Variants in ITSN1 observed in about 807,000 individuals in gnomAD.
The protein encoded by ITSN1 is intersectin-1.
Under a neutral mutation model 239.8 loss-of-function variants are expected in ITSN1, and 58 were observed. The observed-to-expected ratio is 0.24, with a 90% CI of 0.20 to 0.30. The LOEUF (loss-of-function observed/expected upper bound fraction) is 0.30, where lower values mean the gene tolerates loss of function less well. ITSN1 is among the 10% of genes least tolerant of loss of function. ITSN1 has a pLI of 1.00. For synonymous variants in ITSN1, 780 were observed against 770.8 expected, an observed-to-expected ratio of 1.01 and a Z score of -0.20; for missense variants, 1,558 against 2,103.3, an observed-to-expected ratio of 0.74 and a Z score of 5.07.
intron 29 of ITSN1, among the ~76,000 whole-genome samples, chr21:33,844,848 G>A (rs191912013): frequency 3.1e-3 from 476 of 152,212 alleles, no homozygotes; most frequent in African/African-American, 0.011. Context: ...CACTGACTTG[G>A]TATCCAGTGG....
intron 3 of ITSN1, 79 bp from the exon 4 acceptor site, chr21:33,722,509 G>A (rs76884806): frequency 6.9e-7 from 1 of 1,457,450 alleles, no homozygotes; most frequent in Non-Finnish European, 9.0e-7. Flanking sequence ...TGTAAATTTT[G>A]TAATTTTGCT....
At chr21:33,857,633 G>A (rs1033490005) in intron 30 of ITSN1, among the ~76,000 whole-genome samples, 2 of 152,188 alleles carry the variant, frequency 1.3e-5, no homozygotes, top group Non-Finnish European at 2.9e-5. Flanking sequence ...AGCAGGGCTC[G>A]CCGCTGTTGG....
intron 17 of ITSN1, among the ~76,000 whole-genome samples, chr21:33,796,456 C>CA (rs1470355946): frequency 6.6e-6 from 1 of 152,054 alleles, no homozygotes; most frequent in Non-Finnish European, 1.5e-5. Context: ...AATTTTTTGA[C>CA]AATGGAGAAT....
intron 39 of ITSN1, among the ~76,000 whole-genome samples, chr21:33,887,782 A>AT (rs34434110): frequency 3.3e-5 from 5 of 151,694 alleles, no homozygotes; most frequent in Non-Finnish European, 7.4e-5. Flanking sequence ...ATTTTTAAAA[A>AT]TTTTTTGTAG....
At chr21:33,816,407 C>T (rs543418619) in intron 22 of ITSN1, among the ~76,000 whole-genome samples, 8 of 152,202 alleles carry the variant, frequency 5.3e-5, no homozygotes, top group Non-Finnish European at 1.0e-4. Flanking sequence ...TCTTGCATTA[C>T]CATGGGATTG....
intron 1 of ITSN1, among the ~76,000 whole-genome samples, chr21:33,669,778 T>C (rs530066285): frequency 3.8e-4 from 58 of 151,636 alleles, no homozygotes; most frequent in African/African-American, 1.3e-3. Flanking sequence ...GTAGAAAACG[T>C]CTTAATTTTT....
Position 33,834,431 on chromosome 21 carries a change from A to C in ITSN1, c.3469+7A>C, listed in dbSNP as rs28678430. On this transcript the variant is annotated splice_region_variant and intron_variant, in intron 28 of 39. Transcript: ENST00000381318. ...TCAACAGCATTAGCGGCAGGTAAGGAGTTTCGCATCTCTAACTGGAAGATG... is the reference window on the plus strand; with the variant it reads ...TCAACAGCATTAGCGGCAGGTAAGGCGTTTCGCATCTCTAACTGGAAGATG... 1.2e-3 allele frequency: 1,970 copies of C among 1,584,332 alleles called. 17 individuals are homozygous for C. The African/African-American group carries it at 0.023, about 18-fold the overall frequency.
At position 33,790,248 on chromosome 21, in the gene ITSN1, A is replaced by AT. The variant is rs1471449803; in HGVS notation, c.1825-4087dup. On this transcript the variant is annotated intron_variant, in intron 16 of 39. Transcript: ENST00000381318. Reference sequence around the variant, plus strand: ...TTTTCATGATTCTGCATAAATTGTGATTTTTTAAAAAAAACTTATTTTAAT... The same window carrying AT: ...TTTTCATGATTCTGCATAAATTGTGATTTTTTTAAAAAAAACTTATTTTAAT... Among the ~76,000 whole-genome samples, 16 of 151,818 alleles carry AT rather than the reference A, an allele frequency of 1.1e-4. No individual in the cohort carries two copies. In the East Asian group the frequency reaches 2.1e-3, roughly 20 times the overall value.
At position 33,791,457 on chromosome 21, in the gene ITSN1, G is replaced by A. The variant is rs541576771; in HGVS notation, c.1825-2884G>A. On this transcript the variant is annotated intron_variant, in intron 16 of 39. Transcript: ENST00000381318. ...TACTGCTATACTCAAAAACAAGTGTGTTTAAAAAATTTAAGTATCTTTTTT... is the reference window on the plus strand; with the variant it reads ...TACTGCTATACTCAAAAACAAGTGTATTTAAAAAATTTAAGTATCTTTTTT... 7.9e-4 allele frequency among the ~76,000 whole-genome samples: 121 copies of A among 152,212 alleles called. 1 individual carries two copies. The highest frequency in any genetic ancestry group is 2.8e-3 in the African/African-American group (116 of 41,540).
At position 33,894,349 on chromosome 21, in the gene ITSN1, T is replaced by G. The variant is rs560695575; in HGVS notation, c.*6049T>G. The G allele has an allele frequency of 6.6e-6, 1 of 152,322 alleles. No individual in the cohort carries two copies. Among genetic ancestry groups the G allele is most frequent in the East Asian group, 1.9e-4 (1 of 5,192 alleles). 9.4% of individuals were successfully genotyped at this position (152,322 alleles called of 1,614,324 possible). On this transcript the variant is annotated 3_prime_UTR_variant, in exon 40 of 40. Coordinates refer to ENST00000381318, the MANE Select transcript of ITSN1 (RefSeq NM_003024.3). Reference sequence around the variant, plus strand: ...CCACATCATAATTTTTCTGACACTATGTGTGCTTGTCAAATTTCAGGGTCA... The same window carrying G: ...CCACATCATAATTTTTCTGACACTAGGTGTGCTTGTCAAATTTCAGGGTCA...
At position 33,790,620 on chromosome 21, in the gene ITSN1, C is replaced by T. The variant is rs979384307; in HGVS notation, c.1825-3721C>T. ...AAAATCACTTAACTTTAGGAAGAAC[C>T]GAGTGAGATACTGACTTTTGATTCG... On this transcript the variant is annotated intron_variant, in intron 16 of 39. Transcript: ENST00000381318. Among the ~76,000 whole-genome samples the T allele has an allele frequency of 9.9e-5, 15 of 152,160 alleles. No homozygotes were observed. In the East Asian group the frequency reaches 1.5e-3, roughly 16 times the overall value.
At chr21:33,800,275 CAA>C (rs2071880848) in intron 19 of ITSN1, among the ~76,000 whole-genome samples, 1 of 151,216 alleles carries the variant, frequency 6.6e-6, no homozygotes, top group South Asian at 2.1e-4. Context: ...GATGTATAGA[CAA>C]TATATATACT....
chr21:33,773,684 CT>C (rs1005258198), intron 12 of ITSN1, among the ~76,000 whole-genome samples: 261 of 143,876 alleles, frequency 1.8e-3, no homozygotes, highest in Non-Finnish European at 1.6e-3. Flanking sequence ...GCCATAACTC[CT>C]TTTTTTTTTT....
rs1321112725 is a variant in ITSN1 at position 33,890,502 on chromosome 21, C to G, written c.*2202C>G. On this transcript the variant is annotated 3_prime_UTR_variant, in exon 40 of 40. Coordinates refer to ENST00000381318, the MANE Select transcript of ITSN1 (RefSeq NM_003024.3). Reference sequence around the variant, plus strand: ...TATGTGACTCTTTTTCCTCAAGTGACTCTGTTGAGCATCCTTGAGATGCTC... The same window carrying G: ...TATGTGACTCTTTTTCCTCAAGTGAGTCTGTTGAGCATCCTTGAGATGCTC... 1 of 152,230 alleles carries G rather than the reference C, an allele frequency of 6.6e-6. No homozygotes were observed. Among genetic ancestry groups the G allele is most frequent in the Non-Finnish European group, 1.5e-5 (1 of 68,050 alleles). 9.4% of individuals were successfully genotyped at this position (152,230 alleles called of 1,614,324 possible). A position where few individuals can be genotyped will look rare whatever the true frequency, so the allele number is the denominator to read the frequency against.
In ITSN1 at chr21:33,838,267, C is replaced by T. The variant is rs576303971; in HGVS notation, c.3661+1635C>T. ...AAGACTCTGTAATGCTCACTCCCCTCGCGTTCTCCCGGCGCTGTCGGGAGG... is the reference window on the plus strand; with the variant it reads ...AAGACTCTGTAATGCTCACTCCCCTTGCGTTCTCCCGGCGCTGTCGGGAGG... On this transcript the variant is annotated intron_variant, in intron 29 of 39. Coordinates refer to ENST00000381318, the MANE Select transcript of ITSN1 (RefSeq NM_003024.3). The T allele has an allele frequency of 1.8e-5, 18 of 985,392 alleles. No individual in the cohort carries two copies. In the African/African-American group the frequency reaches 2.1e-4, roughly 11 times the overall value. 61.0% of individuals were successfully genotyped at this position (985,392 alleles called of 1,614,324 possible). A position where few individuals can be genotyped will look rare whatever the true frequency, so the allele number is the denominator to read the frequency against.
chr21:33,718,659 G>T, intron 1 of ITSN1, 138 bp from the exon 2 acceptor site: 2 of 658,090 alleles, frequency 3.0e-6, no homozygotes, highest in Non-Finnish European at 5.4e-6. Context: ...ACACGTGAAT[G>T]AATGAATTCC....
In ITSN1 at chr21:33,767,034, G is replaced by A. The variant is rs539359403; in HGVS notation, c.927-679G>A. On this transcript the variant is annotated intron_variant, in intron 10 of 39. Transcript: ENST00000381318. ...AATACAAAAATTAGCCAGGCGTGGT[G>A]GCAGGTGCCTGTAATCCCAGCTACT... Among the ~76,000 whole-genome samples, 197 of 152,238 alleles carry A rather than the reference G, an allele frequency of 1.3e-3. 1 individual carries two copies. Among genetic ancestry groups the A allele is most frequent in the African/African-American group, 4.4e-3 (184 of 41,566 alleles).
At chr21:33,738,441 G>T (rs567094603) in intron 5 of ITSN1, among the ~76,000 whole-genome samples, 1 of 152,018 alleles carries the variant, frequency 6.6e-6, no homozygotes, top group South Asian at 2.1e-4. Flanking sequence ...TCACTCTGTC[G>T]CCCAGGCTGG....
At position 33,886,398 on chromosome 21, in the gene ITSN1, G is replaced by A. The variant is rs1333297978; in HGVS notation, c.4955G>A (p.Arg1652Gln). 6 of 1,613,196 alleles carry A rather than the reference G, an allele frequency of 3.7e-6. No individual in the cohort carries two copies. The highest frequency in any genetic ancestry group is 1.3e-5 in the African/African-American group (1 of 74,814). Residue 1652 changes from arginine (R) to glutamine (Q), a missense_variant, in exon 39 of 40, where the codon CGA becomes CAA. By Grantham distance (43) the Arg-to-Gln change is conservative. Transcript: ENST00000381318. Reference sequence around the variant, plus strand: ...AATTCCAACTGCCAGTTCTTCATCCGAGACCTGGAGCAGGAAGTCCTCTGC... The same window carrying A: ...AATTCCAACTGCCAGTTCTTCATCCAAGACCTGGAGCAGGAAGTCCTCTGC... ...KWNSNCQFFI[R>Q]DLEQEVLCIT... is the part of the protein sequence containing the mutation.
Sources: allele counts gnomAD v4.1 joint callset (sites outside exome capture counted in the v4.1 genomes callset), GRCh38; gene constraint gnomAD v4.1.1; transcripts MANE v1.5; gene names NCBI Gene and HGNC (gene_info 2026-07-23, HGNC 2026-07-21).